Variants in GLIS3 observed in about 807,000 individuals in gnomAD.
The protein encoded by GLIS3 is zinc finger protein GLIS3.
A neutral mutation model predicts 78.6 loss-of-function variants in GLIS3; 53 were observed. The ratio of observed to expected loss-of-function variants is 0.67; its 90% CI spans 0.54 to 0.85. GLIS3 has a LOEUF of 0.85. Ranked by LOEUF, GLIS3 falls within the 40% of genes least tolerant of loss-of-function variation. GLIS3 has a pLI of 0.00. For missense variants in GLIS3, 1,703 were observed against 1,231.1 expected (o/e 1.38, Z -5.74); for synonymous variants, 684 against 509.9 (o/e 1.34, Z -4.60).
In GLIS3 at chr9:4,118,077, G is replaced by A; in HGVS notation, c.1401C>T (p.His467=). Residue 467 remains histidine (H), a synonymous_variant, in exon 4 of 11, where the codon CAC becomes CAT. Transcript: ENST00000381971. The surrounding 1 kb of genome is among the most constrained non-coding windows in gnomAD (Gnocchi z 4.7). ...GGGGCCCGAGCTCCGGGTGGTGAAG[G>A]TGCGCATGGGCATGGTAAGGGGGTG... is the stretch of plus-strand genomic sequence containing the variant. The part of the protein sequence containing the change: ...GPPPPYHAHA[H]LHHPELGPHA... 1 of 1,570,444 alleles carries A rather than the reference G, an allele frequency of 6.4e-7. No homozygotes were observed. The highest frequency in any genetic ancestry group is 8.6e-7 in the Non-Finnish European group (1 of 1,158,226).
At chr9:4,102,358 C>T (rs952475262) in intron 4 of GLIS3, among the ~76,000 whole-genome samples, 9 of 152,174 alleles carry the variant, frequency 5.9e-5, no homozygotes, top group East Asian at 1.9e-4. Context: ...AGCCAAGTAT[C>T]TGTGTTTCAG....
At chr9:4,023,940 A>G (rs1463136924) in intron 4 of GLIS3, among the ~76,000 whole-genome samples, 2 of 152,090 alleles carry the variant, frequency 1.3e-5, no homozygotes, top group African/African-American at 2.4e-5. Flanking sequence ...GGCTGGATCC[A>G]GGGTTGTCAA....
At chr9:4,291,832 A>G (rs1816007164) in intron 1 of GLIS3, among the ~76,000 whole-genome samples, 1 of 152,166 alleles carries the variant, frequency 6.6e-6, no homozygotes, top group African/African-American at 2.4e-5. Context: ...TGCACTCTTC[A>G]GTGCATCTAT....
intron 4 of GLIS3, among the ~76,000 whole-genome samples, chr9:4,082,603 T>C (rs938014903): frequency 6.6e-6 from 1 of 152,218 alleles, no homozygotes. Flanking sequence ...TCCATAATTA[T>C]GTGCTGAGAA....
At chr9:3,909,685 A>G (rs1327309443) in intron 6 of GLIS3, among the ~76,000 whole-genome samples, 1 of 152,236 alleles carries the variant, frequency 6.6e-6, no homozygotes, top group Non-Finnish European at 1.5e-5. Context: ...TATGGACACA[A>G]CAAAACTAAT....
intron 2 of GLIS3, among the ~76,000 whole-genome samples, chr9:4,317,323 G>T (rs756581954): frequency 2.6e-5 from 4 of 152,134 alleles, no homozygotes; most frequent in Non-Finnish European, 5.9e-5. Flanking sequence ...AAATCTTCCA[G>T]AGAGTTTTTT....
rs766629040 is a variant in GLIS3, at chr9:3,898,684, T to C, written c.2128+7A>G. 2 of 1,613,916 alleles carry C rather than the reference T, an allele frequency of 1.2e-6. No homozygotes were observed. Among genetic ancestry groups the C allele is most frequent in the African/African-American group, 2.7e-5 (2 of 74,872 alleles). On this transcript the variant is annotated splice_region_variant and intron_variant, in intron 7 of 10. Coordinates refer to ENST00000381971, the MANE Select transcript of GLIS3 (RefSeq NM_001042413.2). ...GTTGTGGTTGGCTCTGCCTTTGCTG[T>C]CTTTACCTGAATAGAGGTCAGGCCC... is the stretch of plus-strand genomic sequence containing the variant.
chr9:4,283,289 A>G (rs1387231083), intron 2 of GLIS3, among the ~76,000 whole-genome samples: 2 of 143,924 alleles, frequency 1.4e-5, no homozygotes, highest in South Asian at 2.2e-4. Context: ...TTTTTGAGAT[A>G]GAGTCTTGCT....
chr9:4,018,625 CA>C (rs1212523926), intron 4 of GLIS3, among the ~76,000 whole-genome samples: 2 of 152,124 alleles, frequency 1.3e-5, no homozygotes, highest in Non-Finnish European at 2.9e-5. Context: ...GAGTAGTTTC[CA>C]AATCAAAGGA....
At chr9:4,405,120 C>T in the GLIS3 span, among the ~76,000 whole-genome samples, 9 of 151,902 alleles carry the variant, frequency 5.9e-5, no homozygotes, top group Non-Finnish European at 1.0e-4. Context: ...TTTGGGAGGC[C>T]GAGGAGGGTG....
At chr9:3,921,946 A>ACACACACACT (rs781479104) in intron 6 of GLIS3, among the ~76,000 whole-genome samples, 255 of 151,460 alleles carry the variant, frequency 1.7e-3, no homozygotes, top group Non-Finnish European at 2.7e-3. Flanking sequence ...ACACACACAC[A>ACACACACACT]CTCACACTTC....
intron 2 of GLIS3, among the ~76,000 whole-genome samples, chr9:4,267,217 A>T (rs1264826031): frequency 1.3e-5 from 2 of 152,164 alleles, no homozygotes; most frequent in East Asian, 3.9e-4. Flanking sequence ...CTAAAGTGGG[A>T]GTGTTTTTAC....
the GLIS3 span, among the ~76,000 whole-genome samples, chr9:4,465,069 A>T: frequency 2.0e-5 from 3 of 152,270 alleles, no homozygotes; most frequent in African/African-American, 7.2e-5. Context: ...TTATATTTGC[A>T]TACTTAACCT....
At chr9:3,996,593 G>A (rs532454718) in intron 4 of GLIS3, among the ~76,000 whole-genome samples, 2 of 152,186 alleles carry the variant, frequency 1.3e-5, no homozygotes, top group East Asian at 3.9e-4. Context: ...ATATGGTTAT[G>A]GTAGCAAATA....
chr9:4,430,508 T>C, the GLIS3 span, among the ~76,000 whole-genome samples: 1 of 152,212 alleles, frequency 6.6e-6, no homozygotes, highest in African/African-American at 2.4e-5. Flanking sequence ...TCATAAATAA[T>C]CTTAGCAATA....
intron 2 of GLIS3, among the ~76,000 whole-genome samples, chr9:4,219,875 C>T (rs1821169091): frequency 6.6e-6 from 1 of 152,030 alleles, no homozygotes; most frequent in Admixed American, 6.5e-5. Flanking sequence ...GCAATGACAC[C>T]TTAGTAGCAA....
chr9:3,992,077 G>C (rs1428219737), intron 4 of GLIS3, among the ~76,000 whole-genome samples: 1 of 152,076 alleles, frequency 6.6e-6, no homozygotes, highest in Non-Finnish European at 1.5e-5. Context: ...TATAGAGTAA[G>C]TAAGAAAATA....
Position 4,000,976 on chromosome 9 carries a change from C to T in GLIS3, c.1711-63787G>A, listed in dbSNP as rs531865210. On this transcript the variant is annotated intron_variant, in intron 4 of 10. Coordinates refer to ENST00000381971, the MANE Select transcript of GLIS3 (RefSeq NM_001042413.2). Reference sequence around the variant, plus strand: ...CAATTTTTCTATTTATATTGTCTCCCCTCCTTTGCCTGTGAGATTTTTGTA... The same window carrying T: ...CAATTTTTCTATTTATATTGTCTCCTCTCCTTTGCCTGTGAGATTTTTGTA... 4.6e-4 allele frequency among the ~76,000 whole-genome samples: 70 copies of T among 152,280 alleles called. 1 individual carries two copies. The highest frequency in any genetic ancestry group is 1.6e-3 in the African/African-American group (66 of 41,560).
At chr9:4,298,512 G>A in intron 1 of GLIS3, 1 of 434,616 alleles carries the variant, frequency 2.3e-6, no homozygotes, top group Non-Finnish European at 4.6e-6. Flanking sequence ...TCGGGGCAAG[G>A]TGTGTGTCTA....
Sources: allele counts gnomAD v4.1 joint callset (sites outside exome capture counted in the v4.1 genomes callset), GRCh38; gene constraint gnomAD v4.1.1; non-coding constraint Gnocchi (gnomAD v3.1); transcripts MANE v1.5; gene names NCBI Gene and HGNC (gene_info 2026-07-23, HGNC 2026-07-21).